Variants in ZC2HC1B observed in about 807,000 individuals in gnomAD.
ZC2HC1B encodes zinc finger C2HC-type containing 1B.
A neutral mutation model predicts 31.0 loss-of-function variants in ZC2HC1B; 36 were observed. That is an observed-to-expected ratio of 1.16 (90% CI 0.89 to 1.54). The LOEUF (loss-of-function observed/expected upper bound fraction) is 1.54, where lower values mean the gene tolerates loss of function less well. Among genes scored for constraint, ZC2HC1B ranks in the 40% most tolerant of loss-of-function variants. The probability of loss-of-function intolerance (pLI) is 0.00; values close to 1 mark genes in which losing one functional copy is unlikely to be tolerated. For missense variants in ZC2HC1B, 260 were observed against 268.6 expected, an observed-to-expected ratio of 0.97 and a Z score of 0.22; for synonymous variants, 73 against 88.0, an observed-to-expected ratio of 0.83 and a Z score of 0.95.
At chr6:143,888,407 A>AT (rs1368840972) in intron 4 of ZC2HC1B, among the ~76,000 whole-genome samples, 2 of 151,938 alleles carry the variant, frequency 1.3e-5, no homozygotes, top group Non-Finnish European at 2.9e-5. Flanking sequence ...GAATTTTAGG[A>AT]TTTTTGTTCT....
chr6:143,868,471 T>G lies in ZC2HC1B; in HGVS notation c.28+3904T>G, dbSNP rs1479866905. Among the ~76,000 whole-genome samples the G allele has an allele frequency of 6.6e-6, 1 of 151,624 alleles. No homozygotes were observed. Among genetic ancestry groups the G allele is most frequent in the Non-Finnish European group, 1.5e-5 (1 of 67,930 alleles). ...GGCCAGTCTAGTCTTTTCACATTTT[T>G]TTTTTCTGCCTGCTTTAGATTCGAT... On this transcript the variant is annotated intron_variant, in intron 1 of 7. Coordinates refer to ENST00000237275, the MANE Select transcript of ZC2HC1B (RefSeq NM_001013623.3). The surrounding 1 kb of genome is among the most constrained non-coding windows in gnomAD (Gnocchi z 4.2).
rs941831150 is a variant in ZC2HC1B, at chr6:143,878,904, C to G, written c.29-5400C>G. The stretch of plus-strand genomic sequence containing the variant: ...CTGTATACTCATGCCTTCAGACATG[C>G]CTTATATTGACTAATGCACAGACTG... On this transcript the variant is annotated intron_variant, in intron 1 of 7. Coordinates refer to ENST00000237275, the MANE Select transcript of ZC2HC1B (RefSeq NM_001013623.3). 2.0e-5 allele frequency among the ~76,000 whole-genome samples: 3 copies of G among 152,130 alleles called. 1 individual carries two copies. In the South Asian group the frequency reaches 6.2e-4, roughly 31 times the overall value.
chr6:143,937,474 A>T (rs957822422), intron 6 of ZC2HC1B, among the ~76,000 whole-genome samples, 175 bp from the exon 7 acceptor site: 2 of 151,530 alleles, frequency 1.3e-5, no homozygotes, highest in Non-Finnish European at 2.9e-5. Context: ...TTATTTGGTT[A>T]TTTGTCTGTA....
Position 143,922,198 on chromosome 6 carries a change from T to C in ZC2HC1B, c.599-15451T>C, listed in dbSNP as rs1053698921. On this transcript the variant is annotated intron_variant, in intron 6 of 7. Transcript: ENST00000237275. This position sits in a 1 kb window ranked among gnomAD's most constrained non-coding sequence, Gnocchi z 5.0. ...GTAATATGTGGTCTTTTTGTTGATA[T>C]ATAATATTTGTACATGTTTATGGAA... Among the ~76,000 whole-genome samples, 1 of 152,222 alleles carries C rather than the reference T, an allele frequency of 6.6e-6. No homozygotes were observed. The highest frequency in any genetic ancestry group is 6.5e-5 in the Admixed American group (1 of 15,276).
At chr6:143,920,295 T>C (rs1023301396) in intron 6 of ZC2HC1B, among the ~76,000 whole-genome samples, 16 of 152,148 alleles carry the variant, frequency 1.1e-4, no homozygotes, top group African/African-American at 3.6e-4. Flanking sequence ...TCTTGTTTAG[T>C]AAACTTGGAA....
rs564124309 is a variant in ZC2HC1B at position 143,887,983 on chromosome 6, T to C, written c.349+1162T>C. 6.6e-6 allele frequency among the ~76,000 whole-genome samples: 1 copy of C among 152,196 alleles called. No individual in the cohort carries two copies. The highest frequency in any genetic ancestry group is 1.5e-5 in the Non-Finnish European group (1 of 67,948). Reference sequence around the variant, plus strand: ...TGCTTTTGATGTCATATCCAGAAATTAATCACCAAACCTACATCATGAAAC... The same window carrying C: ...TGCTTTTGATGTCATATCCAGAAATCAATCACCAAACCTACATCATGAAAC... On this transcript the variant is annotated intron_variant, in intron 4 of 7. Coordinates refer to ENST00000237275, the MANE Select transcript of ZC2HC1B (RefSeq NM_001013623.3). This position sits in a 1 kb window ranked among gnomAD's most constrained non-coding sequence, Gnocchi z 5.1.
At chr6:143,897,673 T>C (rs1777683086) in intron 4 of ZC2HC1B, among the ~76,000 whole-genome samples, 1 of 151,824 alleles carries the variant, frequency 6.6e-6, no homozygotes, top group South Asian at 2.1e-4. Context: ...TTCCTGAATA[T>C]ATTGCCTGCT....
Position 143,885,273 on chromosome 6 carries a change from T to C in ZC2HC1B, c.91-759T>C, listed in dbSNP as rs1777518171. On this transcript the variant is annotated intron_variant, in intron 2 of 7. Coordinates refer to ENST00000237275, the MANE Select transcript of ZC2HC1B (RefSeq NM_001013623.3). This position sits in a 1 kb window ranked among gnomAD's most constrained non-coding sequence, Gnocchi z 4.2. The stretch of plus-strand genomic sequence containing the variant: ...GCCTCCTGAAACTAGAGGGAGAGCT[T>C]GCGGGGCTGGTTGTGGCCCTGTAGT... 6.6e-6 allele frequency among the ~76,000 whole-genome samples: 1 copy of C among 152,162 alleles called. No individual in the cohort carries two copies. Among genetic ancestry groups the C allele is most frequent in the African/African-American group, 2.4e-5 (1 of 41,438 alleles).
chr6:143,891,629 G>A (rs2128494387), intron 4 of ZC2HC1B, among the ~76,000 whole-genome samples: 1 of 150,894 alleles, frequency 6.6e-6, no homozygotes, highest in East Asian at 1.9e-4. Context: ...GGAGGCAGAG[G>A]TTGCAGTGAG....
chr6:143,937,060 G>A (rs1778187159), intron 6 of ZC2HC1B, among the ~76,000 whole-genome samples: 2 of 152,040 alleles, frequency 1.3e-5, no homozygotes, highest in Non-Finnish European at 2.9e-5. Flanking sequence ...ACAAAAAAAA[G>A]AACCTCTGAG....
chr6:143,905,788 GT>G lies in ZC2HC1B; in HGVS notation c.598+2644del, dbSNP rs927865981. Among the ~76,000 whole-genome samples the G allele has an allele frequency of 2.6e-5, 4 of 151,396 alleles. No homozygotes were observed. Among genetic ancestry groups the G allele is most frequent in the African/African-American group, 9.7e-5 (4 of 41,172 alleles). ...AAAGGGTGTTGAATTTTCTCAAATGGTTTTTTTTGCATCAATTGAGATGATG... is the reference window on the plus strand; with the variant it reads ...AAAGGGTGTTGAATTTTCTCAAATGGTTTTTTTGCATCAATTGAGATGATG... On this transcript the variant is annotated intron_variant, in intron 6 of 7. Coordinates refer to ENST00000237275, the MANE Select transcript of ZC2HC1B (RefSeq NM_001013623.3). This position sits in a 1 kb window ranked among gnomAD's most constrained non-coding sequence, Gnocchi z 4.2.
rs1460570473 is a variant in ZC2HC1B at position 143,865,346 on chromosome 6, T to A, written c.28+779T>A. ...TAACTGGCAATACTATCGTGGTAAG[T>A]ACCACTTGTAATTAGAATCTTGGTA... On this transcript the variant is annotated intron_variant, in intron 1 of 7. Transcript: ENST00000237275. The surrounding 1 kb of genome is among the most constrained non-coding windows in gnomAD (Gnocchi z 4.4). Among the ~76,000 whole-genome samples, 1 of 152,212 alleles carries A rather than the reference T, an allele frequency of 6.6e-6. No individual in the cohort carries two copies. Among genetic ancestry groups the A allele is most frequent in the Non-Finnish European group, 1.5e-5 (1 of 68,036 alleles).
chr6:143,928,786 T>C (rs1238156581), intron 6 of ZC2HC1B, among the ~76,000 whole-genome samples: 2 of 151,654 alleles, frequency 1.3e-5, no homozygotes, highest in East Asian at 3.9e-4. Context: ...GTTTTCCTTG[T>C]AGACATCTAT....
chr6:143,931,192 A>G (rs1778114755), intron 6 of ZC2HC1B, among the ~76,000 whole-genome samples: 1 of 151,984 alleles, frequency 6.6e-6, no homozygotes, highest in South Asian at 2.1e-4. Context: ...AGTCTATGTG[A>G]GTCTTTATGC....
chr6:143,869,052 C>A lies in ZC2HC1B; in HGVS notation c.28+4485C>A, dbSNP rs1223205026. On this transcript the variant is annotated intron_variant, in intron 1 of 7. Coordinates refer to ENST00000237275, the MANE Select transcript of ZC2HC1B (RefSeq NM_001013623.3). This position sits in a 1 kb window ranked among gnomAD's most constrained non-coding sequence, Gnocchi z 5.2. ...ATTGATGACTACATTCTTCTACTAC[C>A]CATTCTGTATTCCCTTTTTCTTCAG... 6.6e-6 allele frequency among the ~76,000 whole-genome samples: 1 copy of A among 152,140 alleles called. No individual in the cohort carries two copies. Among genetic ancestry groups the A allele is most frequent in the Non-Finnish European group, 1.5e-5 (1 of 68,028 alleles).
At position 143,922,958 on chromosome 6, in the gene ZC2HC1B, A is replaced by G. The variant is rs1777999195; in HGVS notation, c.599-14691A>G. ...TCTTCTGCAAGGGCTGTACTAATTT[A>G]CTTTCCAACCAACAGTGTATAATAT... On this transcript the variant is annotated intron_variant, in intron 6 of 7. Coordinates refer to ENST00000237275, the MANE Select transcript of ZC2HC1B (RefSeq NM_001013623.3). The surrounding 1 kb of genome is among the most constrained non-coding windows in gnomAD (Gnocchi z 5.0). Among the ~76,000 whole-genome samples the G allele has an allele frequency of 6.6e-6, 1 of 152,108 alleles. No individual in the cohort carries two copies. The highest frequency in any genetic ancestry group is 1.5e-5 in the Non-Finnish European group (1 of 67,986).
chr6:143,867,188 C>T (rs1274013879), intron 1 of ZC2HC1B, among the ~76,000 whole-genome samples: 1 of 152,210 alleles, frequency 6.6e-6, no homozygotes, highest in Non-Finnish European at 1.5e-5. Flanking sequence ...TGAAACACTT[C>T]TGGTCCCAAG....
At chr6:143,901,155 A>G (rs2128495072) in intron 5 of ZC2HC1B, among the ~76,000 whole-genome samples, 1 of 151,084 alleles carries the variant, frequency 6.6e-6, no homozygotes, top group African/African-American at 2.4e-5. Flanking sequence ...CAGTCTTGAC[A>G]TCTGAGATAG....
At position 143,934,882 on chromosome 6, in the gene ZC2HC1B, G is replaced by T. The variant is rs1478936042; in HGVS notation, c.599-2767G>T. ...TTGGGACCCCAGGTAGCATACGTGGGCACTGGTGTTAGCAGGTCCAGGCAG... is the reference window on the plus strand; with the variant it reads ...TTGGGACCCCAGGTAGCATACGTGGTCACTGGTGTTAGCAGGTCCAGGCAG... On this transcript the variant is annotated intron_variant, in intron 6 of 7. Coordinates refer to ENST00000237275, the MANE Select transcript of ZC2HC1B (RefSeq NM_001013623.3). The surrounding 1 kb of genome is among the most constrained non-coding windows in gnomAD (Gnocchi z 4.6). Among the ~76,000 whole-genome samples the T allele has an allele frequency of 6.6e-6, 1 of 152,294 alleles. No homozygotes were observed. Among genetic ancestry groups the T allele is most frequent in the Middle Eastern group, 3.4e-3 (1 of 294 alleles).
Sources: gnomAD v4.1 joint callset for allele counts (sites outside exome capture counted in the v4.1 genomes callset) on GRCh38, gnomAD v4.1.1 for gene constraint, Gnocchi (gnomAD v3.1) non-coding constraint, MANE v1.5 for transcripts, NCBI Gene and HGNC (gene_info 2026-07-23, HGNC 2026-07-21) for gene names.